The following RBMS3 variants were observed in gnomAD, a reference collection of about 807,000 sequenced individuals.
The protein encoded by RBMS3 is RNA-binding motif, single-stranded-interacting protein 3.
Under a neutral mutation model 66.8 loss-of-function variants are expected in RBMS3, and 27 were observed. That is an observed-to-expected ratio of 0.40 (90% CI 0.30 to 0.56). The LOEUF is 0.56. Ranked by LOEUF, RBMS3 falls within the 20% of genes least tolerant of loss-of-function variation. The probability of loss-of-function intolerance (pLI) is 0.40; values close to 1 mark genes in which losing one functional copy is unlikely to be tolerated. For synonymous variants in RBMS3, 188 were observed against 183.0 expected, an observed-to-expected ratio of 1.03 and a Z score of -0.22; for missense variants, 513 against 549.5, an observed-to-expected ratio of 0.93 and a Z score of 0.66.
At chr3:29,628,815 A>G (rs894165977) in intron 4 of RBMS3, among the ~76,000 whole-genome samples, 1 of 152,160 alleles carries the variant, frequency 6.6e-6, no homozygotes, top group Admixed American at 6.6e-5. Flanking sequence ...CATAAAAAGG[A>G]AAGCATAAGC....
intron 4 of RBMS3, among the ~76,000 whole-genome samples, chr3:29,590,156 A>G (rs892979821): frequency 6.6e-6 from 1 of 152,020 alleles, no homozygotes; most frequent in Middle Eastern, 3.2e-3. Context: ...TTAGTAATAC[A>G]TAGTGGTTAG....
At chr3:29,909,846 A>G (rs1218211954) in intron 10 of RBMS3, among the ~76,000 whole-genome samples, 1 of 152,134 alleles carries the variant, frequency 6.6e-6, no homozygotes, top group African/African-American at 2.4e-5. Context: ...TTTTACTAAC[A>G]ACCTTTAAAA....
intron 2 of RBMS3, among the ~76,000 whole-genome samples, chr3:29,486,093 G>A (rs1413968870): frequency 2.0e-5 from 3 of 151,984 alleles, no homozygotes; most frequent in South Asian, 2.1e-4. Context: ...TATTACATTC[G>A]TGGGTCTCGT....
At chr3:29,951,571 C>T (rs980432009) in intron 12 of RBMS3, among the ~76,000 whole-genome samples, 8 of 151,528 alleles carry the variant, frequency 5.3e-5, no homozygotes, top group African/African-American at 1.2e-4. Flanking sequence ...GACTCATGAT[C>T]GATATTAAAT....
At chr3:29,618,634 C>T (rs1022526006) in intron 4 of RBMS3, among the ~76,000 whole-genome samples, 1 of 151,874 alleles carries the variant, frequency 6.6e-6, no homozygotes. Context: ...CCTTGAAGTT[C>T]TTGTTCCAAA....
rs776357215 is a variant in RBMS3 at position 29,384,435 on chromosome 3, T to TAATAAG, written c.76-50306_76-50305insTAAGAA. On this transcript the variant is annotated intron_variant, in intron 1 of 14. Coordinates refer to ENST00000383767, the MANE Select transcript of RBMS3 (RefSeq NM_001003793.3). ...TATACACCAATAATAATAATAATAA[T>TAATAAG]AAGAAGAAGAAGAAGAAGAAGAAGA... Among the ~76,000 whole-genome samples, 873 of 141,080 alleles carry TAATAAG rather than the reference T, an allele frequency of 6.2e-3. 5 individuals carry two copies. The highest frequency in any genetic ancestry group is 0.021 in the Middle Eastern group (6 of 284). The allele number at this position is 141,080 out of a possible 152,430, so 92.6% of individuals were successfully genotyped here.
chr3:29,339,383 C>A (rs2036148764), intron 1 of RBMS3, among the ~76,000 whole-genome samples: 1 of 152,076 alleles, frequency 6.6e-6, no homozygotes, highest in South Asian at 2.1e-4. Context: ...GTCTGAGCAC[C>A]AGGAAGTGGC....
chr3:29,969,762 G>A (rs780211613), intron 12 of RBMS3, among the ~76,000 whole-genome samples: 1 of 152,208 alleles, frequency 6.6e-6, no homozygotes, highest in East Asian at 1.9e-4. Flanking sequence ...GGGGGTCATA[G>A]GATTTTCAAA....
chr3:29,354,190 A>G (rs2037084004), intron 1 of RBMS3, among the ~76,000 whole-genome samples: 2 of 152,036 alleles, frequency 1.3e-5, no homozygotes, highest in African/African-American at 4.8e-5. Flanking sequence ...GTTTTTCTTC[A>G]AACTCTGCAA....
intron 4 of RBMS3, among the ~76,000 whole-genome samples, chr3:29,610,715 T>G (rs777706329): frequency 6.6e-6 from 1 of 152,080 alleles, no homozygotes; most frequent in Non-Finnish European, 1.5e-5. Flanking sequence ...TGGTCTTATT[T>G]AATTCCTAGA....
intron 6 of RBMS3, among the ~76,000 whole-genome samples, chr3:29,814,797 A>C (rs1482105118): frequency 2.6e-5 from 4 of 152,204 alleles, no homozygotes; most frequent in African/African-American, 4.8e-5. Flanking sequence ...AAATTTAAAA[A>C]AAATTGGTAT....
intron 6 of RBMS3, among the ~76,000 whole-genome samples, chr3:29,774,020 A>C (rs1183624885): frequency 1.3e-5 from 2 of 152,062 alleles, no homozygotes; most frequent in African/African-American, 2.4e-5. Context: ...CTTGTTTCAA[A>C]GTCTGTTTCT....
Position 29,808,145 on chromosome 3 carries a change from T to TCA in RBMS3, c.637+45160_637+45161dup, listed in dbSNP as rs1275758903. ...ATTCAGTTATCACCATGCTTCAGGA[T>TCA]CACACGCTACTTGGGACCATTTTTG... is the stretch of plus-strand genomic sequence containing the variant. On this transcript the variant is annotated intron_variant, in intron 6 of 14. Coordinates refer to ENST00000383767, the MANE Select transcript of RBMS3 (RefSeq NM_001003793.3). Among the ~76,000 whole-genome samples the TCA allele has an allele frequency of 2.0e-5, 3 of 151,928 alleles. No homozygotes were observed. In the East Asian group the frequency reaches 5.8e-4, roughly 29 times the overall value.
rs770181046 is a variant in RBMS3, at chr3:29,434,830, G to A, written c.163G>A (p.Gly55Arg). 1.1e-5 allele frequency: 18 copies of A among 1,613,950 alleles called. No homozygotes were observed. Among genetic ancestry groups the A allele is most frequent in the East Asian group, 4.5e-5 (2 of 44,878 alleles). ...SSNNSSNNSS[G>R]EQLSKTNLYI... Reference sequence around the variant, plus strand: ...CAACAACAGCAGCAACAACAGCAGCGGGGAACAGTTGAGTAAAACCAACCT... The same window carrying A: ...CAACAACAGCAGCAACAACAGCAGCAGGGAACAGTTGAGTAAAACCAACCT... Residue 55 changes from glycine (G) to arginine (R), a missense_variant, in exon 2 of 15, where the codon GGG (glycine) becomes AGG (arginine). By Grantham distance (125) the Gly-to-Arg change is moderately radical. Coordinates refer to ENST00000383767, the MANE Select transcript of RBMS3 (RefSeq NM_001003793.3).
rs551430927 is a variant in RBMS3, at chr3:29,694,966, G to A, written c.400-44754G>A. ...GTGTGGTTATTCATAACTTAGCTAA[G>A]CAATGTCTGCTATTTATCACTGCAC... On this transcript the variant is annotated intron_variant, in intron 4 of 14. Coordinates refer to ENST00000383767, the MANE Select transcript of RBMS3 (RefSeq NM_001003793.3). Among the ~76,000 whole-genome samples, 3 of 152,244 alleles carry A rather than the reference G, an allele frequency of 2.0e-5. No individual in the cohort carries two copies. The East Asian group carries it at 5.8e-4, about 29-fold the overall frequency.
intron 6 of RBMS3, among the ~76,000 whole-genome samples, chr3:29,795,234 C>G (rs1458433211): frequency 6.6e-6 from 1 of 152,100 alleles, no homozygotes; most frequent in South Asian, 2.1e-4. Flanking sequence ...TGGGAAAGGA[C>G]AGAAATCACA....
intron 7 of RBMS3, among the ~76,000 whole-genome samples, chr3:29,879,809 A>C (rs953630285): frequency 6.6e-6 from 1 of 152,020 alleles, no homozygotes; most frequent in Admixed American, 6.6e-5. Flanking sequence ...TAAAAAAAAA[A>C]AATAATTCAG....
intron 4 of RBMS3, among the ~76,000 whole-genome samples, chr3:29,659,276 G>C (rs77235807): frequency 0.12 from 17,615 of 152,050 alleles, 1,103 homozygotes; most frequent in Middle Eastern, 0.23. Context: ...GTATAGTTTA[G>C]TGGTATTAAG....
intron 14 of RBMS3, among the ~76,000 whole-genome samples, chr3:30,000,971 G>T (rs1469287396): frequency 6.6e-6 from 1 of 151,770 alleles, no homozygotes; most frequent in Non-Finnish European, 1.5e-5. Context: ...AATCACCATG[G>T]CATGTGTGTA....
Sources: allele counts gnomAD v4.1 joint callset (sites outside exome capture counted in the v4.1 genomes callset), GRCh38; gene constraint gnomAD v4.1.1; transcripts MANE v1.5; gene names NCBI Gene and HGNC (gene_info 2026-07-23, HGNC 2026-07-21).